POF1B: variants seen among roughly 807,000 people sequenced by gnomAD.
POF1B encodes protein POF1B.
POF1B carries 53 observed loss-of-function variants against 55.3 expected under a neutral mutation model. The ratio of observed to expected loss-of-function variants is 0.96; its 90% CI spans 0.77 to 1.20. The LOEUF (loss-of-function observed/expected upper bound fraction) is 1.20, where lower values mean the gene tolerates loss of function less well. POF1B is among the 50% of genes most tolerant of loss of function. The probability of loss-of-function intolerance (pLI) is 0.00; values close to 1 mark genes in which losing one functional copy is unlikely to be tolerated. For missense variants in POF1B, 478 were observed against 420.5 expected, an observed-to-expected ratio of 1.14 and a Z score of -1.20; for synonymous variants, 188 against 148.3, an observed-to-expected ratio of 1.27 and a Z score of -1.95.
At chrX:85,352,210 C>A (rs1384571795) in intron 4 of POF1B, among the ~76,000 whole-genome samples, 1 of 111,019 alleles carries the variant, frequency 9.0e-6, no homozygotes, top group Non-Finnish European at 1.9e-5. Flanking sequence ...GTACCATGTT[C>A]TTTTCCCTTC....
At chrX:85,284,272 C>T (rs1931982513) in intron 15 of POF1B, among the ~76,000 whole-genome samples, 1 of 111,445 alleles carries the variant, frequency 9.0e-6, no homozygotes, top group African/African-American at 3.3e-5. Flanking sequence ...ATCAAGCTAC[C>T]AATGACTTTT....
At position 85,278,476 on chromosome X, in the gene POF1B, G is replaced by A. The variant is rs1185648678; in HGVS notation, c.*945C>T. ...ATGTTCACTTTGTAAGGTCATTAAA[G>A]CCTAATTGCTAAATCAACTTCTAAG... On this transcript the variant is annotated 3_prime_UTR_variant, in exon 17 of 17. Transcript: ENST00000262753. The A allele has an allele frequency of 3.6e-5, 4 of 111,204 alleles. No homozygotes were observed. Among genetic ancestry groups the A allele is most frequent in the African/African-American group, 1.3e-4 (4 of 30,720 alleles). 9.2% of individuals were successfully genotyped at this position (111,204 alleles called of 1,213,427 possible). A position where few individuals can be genotyped will look rare whatever the true frequency, so the allele number is the denominator to read the frequency against.
chrX:85,322,994 G>T (rs1001934073), intron 7 of POF1B, among the ~76,000 whole-genome samples: 2 of 109,980 alleles, frequency 1.8e-5, no homozygotes, highest in African/African-American at 6.7e-5. Flanking sequence ...TACACTGTTG[G>T]TGGGACTGTA....
chrX:85,362,271 C>A (rs1379519933), intron 3 of POF1B, among the ~76,000 whole-genome samples: 3 of 110,685 alleles, frequency 2.7e-5, no homozygotes, highest in Non-Finnish European at 5.7e-5. Context: ...CCAGGACTCC[C>A]AATACTATGT....
At chrX:85,313,755 A>T (rs931267872) in intron 9 of POF1B, among the ~76,000 whole-genome samples, 1 of 111,157 alleles carries the variant, frequency 9.0e-6, no homozygotes, top group African/African-American at 3.3e-5. Flanking sequence ...GAATGTTACC[A>T]GCTCCTCTTT....
At chrX:85,323,560 C>T (rs981208636) in intron 7 of POF1B, among the ~76,000 whole-genome samples, 117 of 107,993 alleles carry the variant, frequency 1.1e-3, no homozygotes, top group African/African-American at 3.8e-3. Context: ...CTAACCTGCA[C>T]ATTGTGCACA....
Position 85,306,347 on chromosome X carries a change from AC to A in POF1B, c.1165-15del. The A allele has an allele frequency of 8.3e-7, 1 of 1,199,150 alleles. No homozygotes were observed. Among genetic ancestry groups the A allele is most frequent in the Non-Finnish European group, 1.1e-6 (1 of 889,763 alleles). On this transcript the variant is annotated splice_polypyrimidine_tract_variant and intron_variant, in intron 11 of 16. Coordinates refer to ENST00000262753, the MANE Select transcript of POF1B (RefSeq NM_024921.4). The stretch of plus-strand genomic sequence containing the variant: ...TTGAAGTCCTTGCTGTAAAGAAGAC[AC>A]AAGTACATAAGACAAATGCATTTTG...
At chrX:85,359,828 G>T (rs1482643298) in intron 3 of POF1B, among the ~76,000 whole-genome samples, 198 bp from the exon 4 acceptor site, 4 of 110,648 alleles carry the variant, frequency 3.6e-5, no homozygotes, top group African/African-American at 1.3e-4. Flanking sequence ...CATTTTACTG[G>T]GTACTCGTAT....
At chrX:85,328,578 G>A (rs1932928143) in intron 7 of POF1B, among the ~76,000 whole-genome samples, 2 of 111,039 alleles carry the variant, frequency 1.8e-5, no homozygotes, top group Non-Finnish European at 3.8e-5. Context: ...GGTTCTCAGA[G>A]TGTGGGTTCT....
chrX:85,311,303 T>A (rs1932690898), intron 9 of POF1B, among the ~76,000 whole-genome samples: 1 of 110,925 alleles, frequency 9.0e-6, no homozygotes, highest in Non-Finnish European at 1.9e-5. Flanking sequence ...CCTGCACCCA[T>A]CAACCTGTCA....
chrX:85,317,534 G>A (rs1440060863), intron 7 of POF1B, among the ~76,000 whole-genome samples: 1 of 110,361 alleles, frequency 9.1e-6, no homozygotes, highest in African/African-American at 3.3e-5. Context: ...CAGTGATGTT[G>A]AGGTTTTTTC....
At chrX:85,330,818 TAA>T in intron 7 of POF1B, 129 bp downstream of exon 7, 2 of 598,002 alleles carry the variant, frequency 3.3e-6, no homozygotes, top group Non-Finnish European at 4.7e-6. Context: ...AAAGTATAAT[TAA>T]AAAAAATAAA....
intron 4 of POF1B, among the ~76,000 whole-genome samples, chrX:85,353,221 A>T (rs1933424134): frequency 9.0e-6 from 1 of 111,127 alleles, no homozygotes; most frequent in Admixed American, 9.6e-5. Context: ...AGTGAAGGAA[A>T]CAAGACAATT....
At chrX:85,305,742 A>G (rs762469737) in intron 13 of POF1B, 49 bp downstream of exon 13, 16 of 1,155,218 alleles carry the variant, frequency 1.4e-5, no homozygotes, top group Non-Finnish European at 1.8e-5. Flanking sequence ...TTATCTTGCT[A>G]GAAAGTTTGT....
chrX:85,326,059 G>A (rs189749241), intron 7 of POF1B, among the ~76,000 whole-genome samples: 1,120 of 111,499 alleles, frequency 0.01, 7 homozygotes, highest in Middle Eastern at 0.019. Context: ...TGGAGAGGCC[G>A]AATTCTTCCT....
At chrX:85,335,459 T>C (rs1933054603) in intron 6 of POF1B, among the ~76,000 whole-genome samples, 1 of 111,465 alleles carries the variant, frequency 9.0e-6, no homozygotes, top group Non-Finnish European at 1.9e-5. Flanking sequence ...GTTAATCCAG[T>C]GGGCATTAAT....
chrX:85,282,410 C>G, intron 15 of POF1B, 93 bp from the exon 16 acceptor site: 1 of 531,148 alleles, frequency 1.9e-6, no homozygotes, highest in South Asian at 8.0e-5. Flanking sequence ...CCTAATTAAG[C>G]CAATTCGGCT....
intron 12 of POF1B, 133 bp downstream of exon 12, chrX:85,306,048 A>T (rs1173408423): frequency 1.0e-6 from 1 of 953,462 alleles, no homozygotes; most frequent in Non-Finnish European, 1.4e-6. Context: ...CAGGAACTGC[A>T]TTATAAAGCT....
intron 7 of POF1B, among the ~76,000 whole-genome samples, chrX:85,319,578 G>A (rs1457200452): frequency 9.0e-6 from 1 of 111,320 alleles, no homozygotes; most frequent in Non-Finnish European, 1.9e-5. Flanking sequence ...TTAACATAAA[G>A]GGATCTTACA....
Sources: allele counts gnomAD v4.1 joint callset (sites outside exome capture counted in the v4.1 genomes callset), GRCh38; gene constraint gnomAD v4.1.1; transcripts MANE v1.5; gene names NCBI Gene and HGNC (gene_info 2026-07-23, HGNC 2026-07-21).